EPB41L4A: variants seen among roughly 807,000 people sequenced by gnomAD.
The protein encoded by EPB41L4A is erythrocyte membrane protein band 4.1 like 4A, also known as band 4.1-like protein 4A.
A neutral mutation model predicts 108.6 loss-of-function variants in EPB41L4A; 100 were observed. That is an observed-to-expected ratio of 0.92 (90% CI 0.78 to 1.09). The LOEUF is 1.09. EPB41L4A is among the 50% of genes least tolerant of loss of function. The pLI, the probability that EPB41L4A is intolerant of heterozygous loss-of-function variation, is 0.00. For missense variants in EPB41L4A, 1,030 were observed against 842.7 expected, an observed-to-expected ratio of 1.22 and a Z score of -2.75; for synonymous variants, 319 against 289.0, an observed-to-expected ratio of 1.10 and a Z score of -1.05.
intron 1 of EPB41L4A, among the ~76,000 whole-genome samples, chr5:112,379,669 C>T (rs1156230914): frequency 6.6e-6 from 1 of 152,160 alleles, no homozygotes; most frequent in Admixed American, 6.5e-5. Flanking sequence ...AAGAAGACGA[C>T]CAACACTTAA....
intron 12 of EPB41L4A, among the ~76,000 whole-genome samples, chr5:112,227,956 C>T (rs532449972): frequency 3.3e-5 from 5 of 152,286 alleles, no homozygotes; most frequent in Admixed American, 2.6e-4. Flanking sequence ...ACCATCATCC[C>T]CTGGAGTTGG....
chr5:112,419,755 T>C (rs1270745995), upstream of EPB41L4A: 1 of 456,746 alleles, frequency 2.2e-6, no homozygotes, highest in Admixed American at 2.3e-5. Context: ...AGCAGGCTCC[T>C]TACCCAGACC....
Position 112,176,243 on chromosome 5 carries a change from T to G in EPB41L4A, c.1623-5251A>C, listed in dbSNP as rs117901271. ...CAGGTAATAAGCTGAAGATCCAGAATGCAAACAACAGCACCCAGCAGGTAT... is the reference window on the plus strand; with the variant it reads ...CAGGTAATAAGCTGAAGATCCAGAAGGCAAACAACAGCACCCAGCAGGTAT... On this transcript the variant is annotated intron_variant, in intron 18 of 22. Coordinates refer to ENST00000261486, the MANE Select transcript of EPB41L4A (RefSeq NM_022140.5). Among the ~76,000 whole-genome samples, 6 of 152,314 alleles carry G rather than the reference T, an allele frequency of 3.9e-5. No homozygotes were observed. The East Asian group carries it at 1.2e-3, about 29-fold the overall frequency.
Position 112,239,720 on chromosome 5 carries a change from G to C in EPB41L4A, c.905C>G (p.Ser302Cys), listed in dbSNP as rs267600314. The C allele has an allele frequency of 6.4e-5, 103 of 1,608,408 alleles. No individual in the cohort carries two copies. Among genetic ancestry groups the C allele is most frequent in the Non-Finnish European group, 8.2e-5 (96 of 1,177,174 alleles). The change falls in exon 11 of 23, where the codon TCC (serine) becomes TGC (cysteine). Residue 302 changes from serine to cysteine, a missense_variant. Ser to Cys is a moderately radical substitution (Grantham distance 112). Transcript: ENST00000261486. ...GCTGAGTTTTCTTGACAGTGAATTG[G>C]ATTCATTTTCTGGCATTCTAATCAA... ...HTFFRMPENE[S>C]NSLSRKLSKF...
chr5:112,368,652 A>C (rs1299044477), intron 1 of EPB41L4A, among the ~76,000 whole-genome samples: 1 of 151,954 alleles, frequency 6.6e-6, no homozygotes, highest in African/African-American at 2.4e-5. Flanking sequence ...ACTTTCTTGG[A>C]GCTGCCACAT....
chr5:112,416,094 C>G (rs937937688), intron 1 of EPB41L4A, among the ~76,000 whole-genome samples: 1 of 151,880 alleles, frequency 6.6e-6, no homozygotes, highest in African/African-American at 2.4e-5. Context: ...TGTCTTCAGG[C>G]TGAAACACTT....
At chr5:112,310,428 T>C (rs965125450) in intron 1 of EPB41L4A, among the ~76,000 whole-genome samples, 4 of 152,228 alleles carry the variant, frequency 2.6e-5, no homozygotes, top group Non-Finnish European at 4.4e-5. Flanking sequence ...GAATAACTAG[T>C]AGTTTTGAGA....
chr5:112,190,900 G>T (rs1377638035), intron 17 of EPB41L4A, among the ~76,000 whole-genome samples: 1 of 152,076 alleles, frequency 6.6e-6, no homozygotes, highest in Non-Finnish European at 1.5e-5. Flanking sequence ...AAAAAGACTG[G>T]AAAGGAAGCC....
intron 9 of EPB41L4A, chr5:112,249,126 C>A (rs992998381): frequency 6.6e-6 from 1 of 152,086 alleles, no homozygotes; most frequent in African/African-American, 2.4e-5. Flanking sequence ...TATATAAGTA[C>A]CTGAAAGTCT....
At chr5:112,192,897 C>A (rs953488915) in intron 17 of EPB41L4A, among the ~76,000 whole-genome samples, 1 of 152,144 alleles carries the variant, frequency 6.6e-6, no homozygotes, top group African/African-American at 2.4e-5. Context: ...CTGGCTTGAT[C>A]AATAAAAAGT....
At chr5:112,413,784 A>T (rs988382463) in intron 1 of EPB41L4A, among the ~76,000 whole-genome samples, 2 of 152,172 alleles carry the variant, frequency 1.3e-5, no homozygotes, top group Admixed American at 1.3e-4. Context: ...GTCTCAAAAC[A>T]ATCTGGAATA....
At chr5:112,380,574 T>G (rs1002712268) in intron 1 of EPB41L4A, among the ~76,000 whole-genome samples, 5 of 152,118 alleles carry the variant, frequency 3.3e-5, no homozygotes, top group African/African-American at 1.2e-4. Context: ...ATTTACCAGT[T>G]ACAGGGGAAG....
intron 1 of EPB41L4A, among the ~76,000 whole-genome samples, chr5:112,328,304 G>A (rs917389113): frequency 6.6e-5 from 10 of 151,690 alleles, no homozygotes; most frequent in South Asian, 2.1e-4. Context: ...GCGAGACTCC[G>A]ACACAAAAAA....
chr5:112,392,371 T>C (rs1212229855), intron 1 of EPB41L4A, among the ~76,000 whole-genome samples: 1 of 105,698 alleles, frequency 9.5e-6, no homozygotes, highest in Non-Finnish European at 1.8e-5. Context: ...AATAAAGGGA[T>C]GGAGGAAGAT....
At position 112,156,150 on chromosome 5, in the gene EPB41L4A, G is replaced by C. The variant is rs78651996; in HGVS notation, n.994+2251C>G. On this transcript the variant is annotated intron_variant and non_coding_transcript_variant, in intron 12 of 13. Coordinates refer to the EPB41L4A transcript ENST00000507810. ...CCATATGTTCATCTCAATAGAAGCA[G>C]AAAAAATAATAAAATTCAACATTCA... Among the ~76,000 whole-genome samples, 1,137 of 151,746 alleles carry C rather than the reference G, an allele frequency of 7.5e-3. 7 individuals carry two copies. Among genetic ancestry groups the C allele is most frequent in the Middle Eastern group, 0.01 (3 of 290 alleles).
At chr5:112,161,713 GATGCCTGAA>G (rs1759918670), downstream of EPB41L4A, 1 of 476,724 alleles carries the variant, frequency 2.1e-6, no homozygotes, top group Admixed American at 2.1e-5. Flanking sequence ...GTGGAAGATG[GATGCCTGAA>G]GTGTAGACTG....
intron 1 of EPB41L4A, among the ~76,000 whole-genome samples, chr5:112,365,934 T>C (rs192684561): frequency 3.9e-5 from 6 of 152,276 alleles, no homozygotes; most frequent in African/African-American, 9.6e-5. Context: ...AAGTACAAGG[T>C]AAGAATGTTA....
intron 17 of EPB41L4A, among the ~76,000 whole-genome samples, chr5:112,187,471 T>G (rs1175995061): frequency 6.6e-6 from 1 of 152,236 alleles, no homozygotes; most frequent in Non-Finnish European, 1.5e-5. Flanking sequence ...CTTACCAAAC[T>G]TCAACACTCT....
intron 1 of EPB41L4A, among the ~76,000 whole-genome samples, chr5:112,403,554 T>G (rs994133326): frequency 6.6e-6 from 1 of 152,130 alleles, no homozygotes; most frequent in Non-Finnish European, 1.5e-5. Context: ...CTGCAACCTC[T>G]AACTCCTGGA....
Sources: gnomAD v4.1 joint callset for allele counts (sites outside exome capture counted in the v4.1 genomes callset) on GRCh38, gnomAD v4.1.1 for gene constraint, MANE v1.5 for transcripts, NCBI Gene and HGNC (gene_info 2026-07-23, HGNC 2026-07-21) for gene names.